The following PACRG variants were observed in gnomAD, a reference collection of about 807,000 sequenced individuals.
PACRG encodes the protein parkin coregulated gene protein.
In PACRG, 29 loss-of-function variants were observed where a neutral mutation model predicts 29.7. The observed-to-expected ratio is 0.98, with a 90% CI of 0.73 to 1.33. The LOEUF (loss-of-function observed/expected upper bound fraction) is 1.33. Ranked by LOEUF, PACRG falls within the 40% of genes most tolerant of loss-of-function variation. PACRG has a pLI of 0.00. For missense variants in PACRG, 279 were observed against 316.2 expected (o/e 0.88, Z 0.89); for synonymous variants, 116 against 118.7 (o/e 0.98, Z 0.15).
chr6:162,947,346 ATTAC>A, intron 2 of PACRG, among the ~76,000 whole-genome samples: 1 of 16,966 alleles, frequency 5.9e-5, no homozygotes, highest in African/African-American at 1.2e-4. Context: ...ATATATAATG[ATTAC>A]ATATATATAA....
intron 3 of PACRG, among the ~76,000 whole-genome samples, chr6:163,078,695 T>C (rs971534526): frequency 1.3e-5 from 2 of 152,164 alleles, no homozygotes; most frequent in Non-Finnish European, 2.9e-5. Flanking sequence ...AGCCTCAGAC[T>C]GAGAATCTTC....
intron 1 of PACRG, among the ~76,000 whole-genome samples, chr6:162,775,812 T>TA (rs1783597315): frequency 6.6e-6 from 1 of 152,170 alleles, no homozygotes; most frequent in South Asian, 2.1e-4. Context: ...TTTTAACATT[T>TA]AAAAAATCCT....
intron 4 of PACRG, among the ~76,000 whole-genome samples, chr6:163,105,827 C>A (rs759641846): frequency 6.6e-6 from 1 of 152,122 alleles, no homozygotes; most frequent in African/African-American, 2.4e-5. Context: ...CTTAGAATTG[C>A]TTCTTGCCTA....
chr6:162,745,343 G>A (rs112874058), intron 1 of PACRG, among the ~76,000 whole-genome samples: 8,841 of 151,830 alleles, frequency 0.058, 830 homozygotes, highest in African/African-American at 0.2. Flanking sequence ...ATGAGAACAC[G>A]TGGACACAGG....
intron 2 of PACRG, among the ~76,000 whole-genome samples, chr6:162,875,379 A>G (rs1158435387): frequency 6.6e-6 from 1 of 152,116 alleles, no homozygotes; most frequent in Non-Finnish European, 1.5e-5. Context: ...TCATACACAG[A>G]CATTCACACA....
chr6:163,274,655 A>G (rs182808342), intron 4 of PACRG, among the ~76,000 whole-genome samples: 1,692 of 152,286 alleles, frequency 0.011, 31 homozygotes, highest in African/African-American at 0.039. Flanking sequence ...CCAACAGTGT[A>G]AAAATGTTCC....
At chr6:163,261,882 G>C (rs540616536) in intron 4 of PACRG, among the ~76,000 whole-genome samples, 1 of 152,250 alleles carries the variant, frequency 6.6e-6, no homozygotes, top group South Asian at 2.1e-4. Flanking sequence ...TAGTATCAGG[G>C]ACTTGAGCAT....
intron 4 of PACRG, among the ~76,000 whole-genome samples, chr6:163,300,312 T>C (rs571824502): frequency 7.9e-5 from 12 of 152,332 alleles, no homozygotes; most frequent in Admixed American, 5.2e-4. Flanking sequence ...CTCTGATGTC[T>C]ACCCCATCCC....
chr6:162,826,964 C>G (rs938967271), intron 2 of PACRG, among the ~76,000 whole-genome samples: 2 of 152,194 alleles, frequency 1.3e-5, no homozygotes, highest in African/African-American at 4.8e-5. Flanking sequence ...TTTTAAAAAT[C>G]AACAAATTAT....
chr6:162,771,699 A>G (rs187823261), intron 1 of PACRG, among the ~76,000 whole-genome samples: 2 of 152,312 alleles, frequency 1.3e-5, no homozygotes, highest in Admixed American at 6.5e-5. Flanking sequence ...GTATCTTTGG[A>G]AAAGGTGGGT....
chr6:162,852,238 G>C (rs1284070339), intron 2 of PACRG, among the ~76,000 whole-genome samples: 1 of 152,192 alleles, frequency 6.6e-6, no homozygotes, highest in African/African-American at 2.4e-5. Flanking sequence ...GCTTCCCCCA[G>C]AACTGGTGAT....
At chr6:162,951,329 C>G (rs919862323) in intron 2 of PACRG, among the ~76,000 whole-genome samples, 2 of 152,216 alleles carry the variant, frequency 1.3e-5, no homozygotes, top group Admixed American at 6.5e-5. Context: ...CACAGCTGAG[C>G]TATGACTGAT....
At chr6:163,095,418 T>G (rs552752) in intron 4 of PACRG, 279,907 of 984,610 alleles carry the variant, frequency 0.28, 41,219 homozygotes, top group East Asian at 0.51. Context: ...GAAATCAGAA[T>G]CCAGCTCTGA....
At position 163,092,414 on chromosome 6, in the gene PACRG, G is replaced by T. The variant is rs79404383; in HGVS notation, c.613+3006G>T. 2.0e-5 allele frequency among the ~76,000 whole-genome samples: 3 copies of T among 152,134 alleles called. No homozygotes were observed. In the East Asian group the frequency reaches 5.8e-4, roughly 29 times the overall value. On this transcript the variant is annotated intron_variant, in intron 4 of 4. Coordinates refer to ENST00000366888, the MANE Select transcript of PACRG (RefSeq NM_001080379.2). ...GCACCAATTCAGGCCCCATCTACAC[G>T]ATCAGAGCAATGAAAACTTAGAGCC...
At chr6:163,210,768 A>G (rs895494989) in intron 4 of PACRG, among the ~76,000 whole-genome samples, 6 of 152,148 alleles carry the variant, frequency 3.9e-5, no homozygotes, top group African/African-American at 1.4e-4. Context: ...GAAAAGGAAA[A>G]CTCTCTTCAG....
chr6:162,890,089 G>A (rs1198206073), intron 2 of PACRG, among the ~76,000 whole-genome samples: 1 of 152,234 alleles, frequency 6.6e-6, no homozygotes, highest in Non-Finnish European at 1.5e-5. Flanking sequence ...TAAACTGGGA[G>A]ATTAAAATGT....
intron 4 of PACRG, among the ~76,000 whole-genome samples, chr6:163,271,417 C>G (rs1783828868): frequency 6.6e-6 from 1 of 152,172 alleles, no homozygotes; most frequent in Non-Finnish European, 1.5e-5. Flanking sequence ...GAATCTTTTT[C>G]TTTTCATTGC....
At chr6:163,113,082 G>A (rs1201397316) in intron 4 of PACRG, among the ~76,000 whole-genome samples, 4 of 152,082 alleles carry the variant, frequency 2.6e-5, no homozygotes, top group African/African-American at 4.8e-5. Flanking sequence ...TTCACAACTG[G>A]AACTAAAAAG....
intron 4 of PACRG, among the ~76,000 whole-genome samples, chr6:163,206,852 G>A (rs1049047022): frequency 6.6e-6 from 1 of 151,452 alleles, no homozygotes; most frequent in Non-Finnish European, 1.5e-5. Context: ...GAGAGAGAAA[G>A]AAATGCAAAA....
Sources: gnomAD v4.1 joint callset for allele counts (sites outside exome capture counted in the v4.1 genomes callset) on GRCh38, gnomAD v4.1.1 for gene constraint, MANE v1.5 for transcripts, NCBI Gene and HGNC (gene_info 2026-07-23, HGNC 2026-07-21) for gene names.